FBXL20: variants seen among roughly 807,000 people sequenced by gnomAD.
FBXL20 encodes the protein F-box and leucine rich repeat protein 20.
Under a neutral mutation model 64.0 loss-of-function variants are expected in FBXL20, and 11 were observed. The ratio of observed to expected loss-of-function variants is 0.17; its 90% CI spans 0.11 to 0.28. The LOEUF is 0.28. Among genes scored for constraint, FBXL20 ranks in the 10% least tolerant of loss-of-function variants. The probability of loss-of-function intolerance (pLI) is 1.00; values close to 1 mark genes in which losing one functional copy is unlikely to be tolerated. For missense variants in FBXL20, 303 were observed against 526.2 expected, an observed-to-expected ratio of 0.58 and a Z score of 4.15; for synonymous variants, 184 against 189.0, an observed-to-expected ratio of 0.97 and a Z score of 0.22.
chr17:39,276,221 GAAAAAAA>G (rs1215336803), intron 9 of FBXL20, among the ~76,000 whole-genome samples: 34 of 60,570 alleles, frequency 5.6e-4, no homozygotes, highest in Non-Finnish European at 7.1e-4. Flanking sequence ...AGCAAGAAAA[GAAAAAAA>G]AAAAAAAAAA....
chr17:39,362,478 C>T (rs2047807045), intron 1 of FBXL20, among the ~76,000 whole-genome samples: 2 of 152,072 alleles, frequency 1.3e-5, no homozygotes, highest in African/African-American at 4.8e-5. Context: ...CATGTGCCAC[C>T]ACACCCAGCT....
intron 2 of FBXL20, among the ~76,000 whole-genome samples, chr17:39,310,043 C>T (rs1243076639): frequency 6.6e-6 from 1 of 150,912 alleles, no homozygotes; most frequent in Non-Finnish European, 1.5e-5. Context: ...GCCTCAGTTA[C>T]TCGGGAGGCT....
chr17:39,295,685 T>C (rs1371108072), intron 6 of FBXL20, among the ~76,000 whole-genome samples: 2 of 152,008 alleles, frequency 1.3e-5, no homozygotes, highest in Non-Finnish European at 2.9e-5. Flanking sequence ...TTTTATCTCT[T>C]TCCCTTGTGT....
chr17:39,270,009 A>T (rs1198633940), intron 11 of FBXL20, among the ~76,000 whole-genome samples: 3 of 152,184 alleles, frequency 2.0e-5, no homozygotes, highest in Non-Finnish European at 2.9e-5. Context: ...CTTGTACCAT[A>T]ACACTGGTCA....
intron 1 of FBXL20, among the ~76,000 whole-genome samples, chr17:39,398,055 G>GT (rs2048203679): frequency 1.2e-5 from 1 of 86,490 alleles, no homozygotes; most frequent in Non-Finnish European, 2.6e-5. Flanking sequence ...GGGGGGGGGG[G>GT]GTTGGATCAC....
At chr17:39,380,290 C>A (rs1469332972) in intron 1 of FBXL20, among the ~76,000 whole-genome samples, 3 of 152,134 alleles carry the variant, frequency 2.0e-5, no homozygotes, top group Non-Finnish European at 4.4e-5. Flanking sequence ...GATTACAAGG[C>A]CATTCATTAT....
At position 39,256,453 on chromosome 17, in the gene FBXL20, T is replaced by A. The variant is rs1392412670; in HGVS notation, c.*5007A>T. ...GGGAGAGAGGTTCTGTCTCAAGAAT[T>A]CCAACCAAACATCCTACATTTCTTC... On this transcript the variant is annotated 3_prime_UTR_variant, in exon 15 of 15. Coordinates refer to ENST00000264658, the MANE Select transcript of FBXL20 (RefSeq NM_032875.3). 6.6e-6 allele frequency: 1 copy of A among 152,130 alleles called. No homozygotes were observed. Among genetic ancestry groups the A allele is most frequent in the East Asian group, 1.9e-4 (1 of 5,198 alleles). 9.4% of individuals were successfully genotyped at this position (152,130 alleles called of 1,614,324 possible). A position where few individuals can be genotyped will look rare whatever the true frequency, so the allele number is the denominator to read the frequency against.
At chr17:39,366,684 G>A (rs938374565) in intron 1 of FBXL20, among the ~76,000 whole-genome samples, 2 of 152,156 alleles carry the variant, frequency 1.3e-5, no homozygotes, top group African/African-American at 4.8e-5. Flanking sequence ...CCTTTCCACT[G>A]AAGATATCTG....
At chr17:39,399,868 G>A (rs2048224336) in intron 1 of FBXL20, among the ~76,000 whole-genome samples, 1 of 152,066 alleles carries the variant, frequency 6.6e-6, no homozygotes, top group Admixed American at 6.6e-5. Context: ...AAAATGAACA[G>A]CAAACTGATA....
intron 6 of FBXL20, among the ~76,000 whole-genome samples, chr17:39,289,367 G>A (rs2047017180): frequency 6.6e-6 from 1 of 152,120 alleles, no homozygotes; most frequent in Non-Finnish European, 1.5e-5. Context: ...TAACAATATT[G>A]AGTTTTTAGG....
At chr17:39,341,156 C>G (rs1490674110) in intron 2 of FBXL20, among the ~76,000 whole-genome samples, 1 of 151,982 alleles carries the variant, frequency 6.6e-6, no homozygotes, top group Non-Finnish European at 1.5e-5. Flanking sequence ...TGTTTCCTTC[C>G]TTTCCAGGAT....
intron 1 of FBXL20, among the ~76,000 whole-genome samples, chr17:39,400,513 T>C (rs780497860): frequency 7.2e-5 from 11 of 152,218 alleles, no homozygotes; most frequent in Non-Finnish European, 1.6e-4. Flanking sequence ...GAAGTTTCTT[T>C]CTCTTGACCC....
chr17:39,401,825 G>T, upstream of FBXL20: 2 of 616,356 alleles, frequency 3.2e-6, no homozygotes, highest in Non-Finnish European at 4.3e-6. Context: ...CAGCCGGTGC[G>T]CGGCGGCGGC....
intron 1 of FBXL20, among the ~76,000 whole-genome samples, chr17:39,386,704 A>G (rs2048084448): frequency 6.6e-6 from 1 of 152,206 alleles, no homozygotes; most frequent in African/African-American, 2.4e-5. Flanking sequence ...AGCATGAAGC[A>G]TAGTAAATAC....
chr17:39,316,671 A>G (rs530178470), intron 2 of FBXL20, among the ~76,000 whole-genome samples: 109 of 152,236 alleles, frequency 7.2e-4, no homozygotes, highest in Non-Finnish European at 1.4e-3. Flanking sequence ...GACTGATGTA[A>G]ATTAATAAAC....
intron 2 of FBXL20, among the ~76,000 whole-genome samples, chr17:39,305,108 G>T (rs538513865): frequency 6.6e-6 from 1 of 151,604 alleles, no homozygotes; most frequent in Non-Finnish European, 1.5e-5. Context: ...AAGAAAAAAA[G>T]ATAATTTAAT....
intron 13 of FBXL20, 77 bp downstream of exon 13, chr17:39,265,320 G>A: frequency 8.8e-7 from 1 of 1,142,772 alleles, no homozygotes; most frequent in Non-Finnish European, 1.3e-6. Flanking sequence ...CAGACACTAA[G>A]AGCTGGGTTC....
At chr17:39,285,251 G>A (rs1041704079) in intron 7 of FBXL20, among the ~76,000 whole-genome samples, 1 of 152,010 alleles carries the variant, frequency 6.6e-6, no homozygotes, top group Non-Finnish European at 1.5e-5. Context: ...AATTGTTTAT[G>A]TATAAACTGT....
chr17:39,396,444 A>C (rs1157543542), intron 1 of FBXL20, among the ~76,000 whole-genome samples: 1 of 151,846 alleles, frequency 6.6e-6, no homozygotes, highest in African/African-American at 2.4e-5. Context: ...AAAAATACAA[A>C]AATTAGTTGT....
Sources: gnomAD v4.1 joint callset for allele counts (sites outside exome capture counted in the v4.1 genomes callset) on GRCh38, gnomAD v4.1.1 for gene constraint, MANE v1.5 for transcripts, NCBI Gene and HGNC (gene_info 2026-07-23, HGNC 2026-07-21) for gene names.